The following GCC2 variants were observed in gnomAD, a reference collection of about 807,000 sequenced individuals.
GCC2 encodes the protein GRIP and coiled-coil domain containing 2.
A neutral mutation model predicts 210.6 loss-of-function variants in GCC2; 120 were observed. The ratio of observed to expected loss-of-function variants is 0.57; its 90% CI spans 0.49 to 0.66. The LOEUF is 0.66. Ranked by LOEUF, GCC2 falls within the 30% of genes least tolerant of loss-of-function variation. The pLI is 0.00. For missense variants in GCC2, 1,868 were observed against 1,871.9 expected (o/e 1.00, Z 0.04); for synonymous variants, 703 against 652.7 (o/e 1.08, Z -1.17).
At position 108,507,712 on chromosome 2, in the gene GCC2, C is replaced by A; in HGVS notation, c.*82C>A. Reference sequence around the variant, plus strand: ...ACGTATATTACCACAATTCTTTTGTCAAAAAGTGTGTATATATGTTTGCAT... The same window carrying A: ...ACGTATATTACCACAATTCTTTTGTAAAAAAGTGTGTATATATGTTTGCAT... On this transcript the variant is annotated 3_prime_UTR_variant, in exon 23 of 23. Coordinates refer to ENST00000309863, the MANE Select transcript of GCC2 (RefSeq NM_181453.4). 1.0e-6 allele frequency: 1 copy of A among 995,254 alleles called. No individual in the cohort carries two copies. The highest frequency in any genetic ancestry group is 2.5e-5 in the East Asian group (1 of 40,810). 61.7% of individuals were successfully genotyped at this position (995,254 alleles called of 1,614,324 possible). A position where few individuals can be genotyped will look rare whatever the true frequency, so the allele number is the denominator to read the frequency against.
At chr2:108,468,067 CT>C (rs55803150) in intron 4 of GCC2, among the ~76,000 whole-genome samples, 88,124 of 144,526 alleles carry the variant, frequency 0.61, 26,937 homozygotes, top group East Asian at 0.96. Context: ...TTTTCTTTTT[CT>C]TTTTTTTTTT....
chr2:108,494,844 C>G (rs1014255331), intron 19 of GCC2: 1 of 152,678 alleles, frequency 6.5e-6, no homozygotes, highest in Admixed American at 6.5e-5. Context: ...GCTGGAGTCT[C>G]ACTCTGTCGC....
intron 4 of GCC2, among the ~76,000 whole-genome samples, chr2:108,452,687 CTTTCT>C (rs1390350267): frequency 8.1e-6 from 1 of 122,998 alleles, no homozygotes; most frequent in African/African-American, 3.0e-5. Flanking sequence ...TTTCTTTTTT[CTTTCT>C]TTTTTTTTTT....
Position 108,471,193 on chromosome 2 carries a change from A to G in GCC2, c.1864A>G (p.Arg622Gly), listed in dbSNP as rs757744857. The G allele has an allele frequency of 6.2e-7, 1 of 1,604,632 alleles. No individual in the cohort carries two copies. Among genetic ancestry groups the G allele is most frequent in the South Asian group, 1.1e-5 (1 of 88,752 alleles). The change falls in exon 6 of 23, where the codon AGA (arginine) becomes GGA (glycine). Residue 622 changes from arginine to glycine, a missense_variant. Around this residue, in one of 3 missense-constraint regions of GCC2, gnomAD observed 1,847 missense variants for 1,765.2 expected, o/e 1.05. Coordinates refer to ENST00000309863, the MANE Select transcript of GCC2 (RefSeq NM_181453.4). ...CCATAAGAAATGTGAAAGGGAAGAA[A>G]GATTGATTCTTGAACTTGGGAAGAA... ...NFHKKCEREE[R>G]LILELGKKVE...
chr2:108,472,702 C>T, intron 6 of GCC2, 125 bp from the exon 7 acceptor site: 2 of 628,000 alleles, frequency 3.2e-6, no homozygotes, highest in Non-Finnish European at 5.5e-6. Context: ...AAATTGGTTT[C>T]TGTAGGAATT....
chr2:108,501,650 G>A (rs1682931791), intron 22 of GCC2, among the ~76,000 whole-genome samples: 1 of 151,970 alleles, frequency 6.6e-6, no homozygotes, highest in Admixed American at 6.6e-5. Flanking sequence ...AAATTGAGCA[G>A]GCATCTGAAT....
At chr2:108,485,079 C>A (rs1252821516) in intron 13 of GCC2, among the ~76,000 whole-genome samples, 1 of 151,508 alleles carries the variant, frequency 6.6e-6, no homozygotes, top group African/African-American at 2.4e-5. Context: ...GAACAAAAAA[C>A]CAAACACTGC....
At chr2:108,469,207 C>T (rs1361109651) in intron 5 of GCC2, 123 bp downstream of exon 5, 7 of 467,324 alleles carry the variant, frequency 1.5e-5, no homozygotes, top group African/African-American at 2.0e-5. Context: ...ACAAAGAAAC[C>T]GAGATTGAGA....
Position 108,449,285 on chromosome 2 carries a change from C to T in GCC2, c.6+5C>T, listed in dbSNP as rs1356542000. 4 of 1,549,780 alleles carry T rather than the reference C, an allele frequency of 2.6e-6. No homozygotes were observed. The highest frequency in any genetic ancestry group is 4.9e-5 in the East Asian group (2 of 40,878). On this transcript the variant is annotated splice_donor_5th_base_variant and intron_variant, in intron 1 of 22. Coordinates refer to ENST00000309863, the MANE Select transcript of GCC2 (RefSeq NM_181453.4). ...GGCGGGCTGGCGGAGATGGAGGTAACTCAGGTCGGGCCCACTGCCTCCCAT... is the reference window on the plus strand; with the variant it reads ...GGCGGGCTGGCGGAGATGGAGGTAATTCAGGTCGGGCCCACTGCCTCCCAT...
At position 108,483,064 on chromosome 2, in the gene GCC2, A is replaced by ACATGC; in HGVS notation, c.3351_3355dup (p.Thr1119MetfsTer5). ...GTTGTTTTTATTTTTAATTTCAGGAACATGCCACTACTGTAAATGAACTTG... is the reference window on the plus strand; with the variant it reads ...GTTGTTTTTATTTTTAATTTCAGGAACATGCCATGCCACTACTGTAAATGAACTTG... On this transcript the variant is annotated frameshift_variant, in exon 12 of 23. Coordinates refer to ENST00000309863, the MANE Select transcript of GCC2 (RefSeq NM_181453.4). LOFTEE classifies it high-confidence loss of function. 1 of 1,512,124 alleles carries ACATGC rather than the reference A, an allele frequency of 6.6e-7. No individual in the cohort carries two copies. Among genetic ancestry groups the ACATGC allele is most frequent in the Non-Finnish European group, 9.2e-7 (1 of 1,088,700 alleles). The allele number at this position is 1,512,124 out of a possible 1,614,324, so 93.7% of individuals were successfully genotyped here.
intron 9 of GCC2, among the ~76,000 whole-genome samples, chr2:108,480,475 T>C (rs1681794642): frequency 6.6e-6 from 1 of 152,076 alleles, no homozygotes; most frequent in Non-Finnish European, 1.5e-5. Flanking sequence ...GCACTATTCA[T>C]GATAGCAAAG....
At chr2:108,502,658 G>A (rs1172835939) in intron 22 of GCC2, among the ~76,000 whole-genome samples, 2 of 151,952 alleles carry the variant, frequency 1.3e-5, no homozygotes, top group African/African-American at 4.8e-5. Context: ...GGCCTGGCAC[G>A]GTGGCTCACA....
At chr2:108,477,436 C>G (rs567386560) in intron 9 of GCC2, among the ~76,000 whole-genome samples, 1 of 152,264 alleles carries the variant, frequency 6.6e-6, no homozygotes, top group East Asian at 1.9e-4. Context: ...AACTCAAAGT[C>G]ACAGACTCCG....
chr2:108,475,216 A>G (rs898217470), intron 7 of GCC2: 6 of 179,494 alleles, frequency 3.3e-5, no homozygotes, highest in Non-Finnish European at 5.8e-5. Context: ...ACTATCACCT[A>G]AAGTCCTAGC....
At chr2:108,481,621 A>T in intron 9 of GCC2, 76 bp from the exon 10 acceptor site, 1 of 1,068,952 alleles carries the variant, frequency 9.4e-7, no homozygotes, top group Non-Finnish European at 1.4e-6. Context: ...CATGAATCTT[A>T]AGGTGGCTTG....
Position 108,470,299 on chromosome 2 carries a change from A to G in GCC2, c.970A>G (p.Thr324Ala). The G allele has an allele frequency of 6.2e-7, 1 of 1,613,098 alleles. No homozygotes were observed. The change falls in exon 6 of 23, where the codon ACA becomes GCA. Residue 324 changes from threonine (T) to alanine (A), a missense_variant. By Grantham distance (58) the Thr-to-Ala change is moderately conservative (BLOSUM62 0). This residue lies in a region of GCC2 where 1,847 missense variants were observed against 1,765.2 expected (regional missense o/e 1.05). Transcript: ENST00000309863. ...ATGTTCTATTCTCTTGCAAGAAAAT[A>G]CATTTGTAGAACAAGTAGTAAATGA... The part of the protein sequence containing the change: ...QICSILLQEN[T>A]FVEQVVNEKV...
At chr2:108,449,519 A>G (rs1679788170) in intron 1 of GCC2, 114 bp from the exon 2 acceptor site, 1 of 1,266,736 alleles carries the variant, frequency 7.9e-7, no homozygotes, top group Non-Finnish European at 1.1e-6. Flanking sequence ...CTGTCTCACG[A>G]GGCTTTCCAC....
chr2:108,469,418 A>G (rs938350582), intron 5 of GCC2: 26 of 450,354 alleles, frequency 5.8e-5, no homozygotes, highest in Admixed American at 3.5e-4. Context: ...TTTCTTGCCT[A>G]TTAGGTCTGG....
At chr2:108,487,318 C>A (rs2104487801) in intron 16 of GCC2, among the ~76,000 whole-genome samples, 1 of 152,178 alleles carries the variant, frequency 6.6e-6, no homozygotes, top group East Asian at 1.9e-4. Flanking sequence ...ATGGTAGAAA[C>A]AGATCTCTTA....
Sources: allele counts gnomAD v4.1 joint callset (sites outside exome capture counted in the v4.1 genomes callset), GRCh38; gene constraint gnomAD v4.1.1; regional missense constraint gnomAD v4.1.1; transcripts MANE v1.5; gene names NCBI Gene and HGNC (gene_info 2026-07-23, HGNC 2026-07-21).